MEX3D: variants seen among roughly 807,000 people sequenced by gnomAD.
MEX3D encodes the protein RNA-binding protein MEX3D.
A neutral mutation model predicts 6.3 loss-of-function variants in MEX3D; 4 were observed. The observed-to-expected ratio is 0.64, with a 90% CI of 0.31 to 1.46. The LOEUF (loss-of-function observed/expected upper bound fraction) is 1.46. Among genes scored for constraint, MEX3D ranks in the 40% most tolerant of loss-of-function variants. MEX3D has a pLI of 0.07. For synonymous variants in MEX3D, 626 were observed against 494.1 expected, an observed-to-expected ratio of 1.27 and a Z score of -3.54; for missense variants, 1,038 against 994.4, an observed-to-expected ratio of 1.04 and a Z score of -0.59.
In MEX3D at chr19:1,555,718, C is replaced by CGCACTCTCGCGCCAG; in HGVS notation, c.1786_1800dup (p.Leu596_Cys600dup). 1 of 1,536,440 alleles carries CGCACTCTCGCGCCAG rather than the reference C, an allele frequency of 6.5e-7. No individual in the cohort carries two copies. The highest frequency in any genetic ancestry group is 8.7e-7 in the Non-Finnish European group (1 of 1,147,584). On this transcript the variant is annotated inframe_insertion, in exon 2 of 2. Coordinates refer to ENST00000402693, the MANE Select transcript of MEX3D (RefSeq NM_203304.4). ...ATCACCTCGCCCTCGGCGCACACCA[C>CGCACTCTCGCGCCAG]GCACTCTCGCGCCAGGGCCGGGGCC...
intron 1 of MEX3D, among the ~76,000 whole-genome samples, chr19:1,557,322 T>C (rs1914599681): frequency 6.6e-6 from 1 of 152,034 alleles, no homozygotes; most frequent in Admixed American, 6.6e-5. Context: ...CCCAGCACTT[T>C]GGGAGGCCGA....
At position 1,567,686 on chromosome 19, in the gene MEX3D, G is replaced by T. The variant is rs1310021040; in HGVS notation, c.373C>A (p.Pro125Thr). The T allele has an allele frequency of 8.8e-7, 1 of 1,137,248 alleles. No individual in the cohort carries two copies. The highest frequency in any genetic ancestry group is 1.1e-6 in the Non-Finnish European group (1 of 921,002). The allele number at this position is 1,137,248 out of a possible 1,614,324, so 70.4% of individuals were successfully genotyped here. Residue 125 changes from proline (P) to threonine (T), a missense_variant, in exon 1 of 2, where the codon CCG (proline) becomes ACG (threonine). This residue lies in a region of MEX3D where 265 missense variants were observed against 206.3 expected (regional missense o/e 1.28). Transcript: ENST00000402693. This position sits in a 1 kb window ranked among gnomAD's most constrained non-coding sequence, Gnocchi z 6.5. ...GGACTCGCGTTGGGGTCCAGCAGCG[G>T]CAGCGACCCGGGGGCCACGGCGGGG... ...LAPAVAPGSL[P>T]LLDPNASPPP...
chr19:1,568,182 G>C lies in MEX3D; in HGVS notation c.-124C>G. 4.9e-6 allele frequency: 4 copies of C among 813,558 alleles called. No homozygotes were observed. The highest frequency in any genetic ancestry group is 5.9e-6 in the Non-Finnish European group (4 of 678,238). 50.4% of individuals were successfully genotyped at this position (813,558 alleles called of 1,614,324 possible). On this transcript the variant is annotated 5_prime_UTR_variant, in exon 1 of 2. Coordinates refer to ENST00000402693, the MANE Select transcript of MEX3D (RefSeq NM_203304.4). ...CATCCAGCGGCGGGGGCGGGCACGG[G>C]GGGCCGGGCGGGCGGGGCGGCGGCG...
intron 1 of MEX3D, among the ~76,000 whole-genome samples, chr19:1,557,831 A>T (rs1914613074): frequency 8.0e-6 from 1 of 124,918 alleles, no homozygotes. Flanking sequence ...ATTGCACTCC[A>T]GCCTGGGTGA....
chr19:1,557,094 C>T (rs1436615327), intron 1 of MEX3D, among the ~76,000 whole-genome samples, 171 bp from the exon 2 acceptor site: 1 of 152,210 alleles, frequency 6.6e-6, no homozygotes, highest in East Asian at 1.9e-4. Flanking sequence ...GCCTCAGTTT[C>T]CCCTCTGGGC....
Position 1,555,856 on chromosome 19 carries a change from C to T in MEX3D, c.1663G>A (p.Gly555Ser), listed in dbSNP as rs1174925122. 3.0e-6 allele frequency: 4 copies of T among 1,331,918 alleles called. No homozygotes were observed. The highest frequency in any genetic ancestry group is 1.8e-5 in the South Asian group (1 of 55,618). 82.5% of individuals were successfully genotyped at this position (1,331,918 alleles called of 1,614,324 possible). ...PPQGPVSFPG[G>S]AAFSTATSLP... ...GAGGTGGCCGTGGAGAAGGCGGCGC[C>T]GCCTGGGAAGGATACGGGGCCCTGC... is the stretch of plus-strand genomic sequence containing the variant. Residue 555 changes from glycine to serine, a missense_variant, in exon 2 of 2, where the codon GGC (glycine) becomes AGC (serine). Physicochemically the swap from Gly to Ser is moderately conservative, Grantham distance 56. Around this residue, in one of 5 missense-constraint regions of MEX3D, gnomAD observed 581 missense variants for 516.2 expected, o/e 1.13. Coordinates refer to ENST00000402693, the MANE Select transcript of MEX3D (RefSeq NM_203304.4).
Position 1,559,154 on chromosome 19 carries a change from G to A in MEX3D, c.596-2231C>T, listed in dbSNP as rs189727922. Among the ~76,000 whole-genome samples, 1,317 of 151,644 alleles carry A rather than the reference G, an allele frequency of 8.7e-3. 11 individuals carry two copies. Among genetic ancestry groups the A allele is most frequent in the Non-Finnish European group, 0.015 (1,021 of 67,860 alleles). On this transcript the variant is annotated intron_variant, in intron 1 of 1. Transcript: ENST00000402693. Reference sequence around the variant, plus strand: ...GCCCAGCTTAATTAGTTATTGAGACGGAGTTTTGCTCTTGTTGCCCAGGCT... The same window carrying A: ...GCCCAGCTTAATTAGTTATTGAGACAGAGTTTTGCTCTTGTTGCCCAGGCT...
At position 1,555,327 on chromosome 19, in the gene MEX3D, C is replaced by G. The variant is rs1914487233; in HGVS notation, c.*236G>C. The G allele has an allele frequency of 6.3e-7, 1 of 1,599,002 alleles. No homozygotes were observed. ...TTCTCTCCGGTTTATTGTAACCTGA[C>G]CACTCAATACTGTCGTTGAAGGGCT... On this transcript the variant is annotated 3_prime_UTR_variant, in exon 2 of 2. Transcript: ENST00000402693.
chr19:1,567,445 C>T lies in MEX3D; in HGVS notation c.595+19G>A, dbSNP rs1449476434. The stretch of plus-strand genomic sequence containing the variant: ...TGCGGGGACCCCCAGGACAGCAACC[C>T]CCGACGAGGGCCACTCACCCTGGCG... On this transcript the variant is annotated intron_variant, in intron 1 of 1. Coordinates refer to ENST00000402693, the MANE Select transcript of MEX3D (RefSeq NM_203304.4). The surrounding 1 kb of genome is among the most constrained non-coding windows in gnomAD (Gnocchi z 6.5). 9 of 1,557,160 alleles carry T rather than the reference C, an allele frequency of 5.8e-6. No individual in the cohort carries two copies. The highest frequency in any genetic ancestry group is 6.9e-6 in the Non-Finnish European group (8 of 1,154,570).
Position 1,556,463 on chromosome 19 carries a change from G to C in MEX3D, c.1056C>G (p.Ser352Arg). ...CGTCGGTGCCGTTGGCGTGGAAGTC[G>C]CTGTCGGGGCCCGCGTCGGTGAAGG... is the stretch of plus-strand genomic sequence containing the variant. ...TGAFTDAGPD[S>R]DFHANGTDVC... Residue 352 changes from serine to arginine, a missense_variant, in exon 2 of 2, where the codon AGC becomes AGG. Physicochemically the swap from Ser to Arg is moderately radical, Grantham distance 110. Coordinates refer to ENST00000402693, the MANE Select transcript of MEX3D (RefSeq NM_203304.4). The surrounding 1 kb of genome is among the most constrained non-coding windows in gnomAD (Gnocchi z 7.5). 6.3e-7 allele frequency: 1 copy of C among 1,599,982 alleles called. No individual in the cohort carries two copies. Among genetic ancestry groups the C allele is most frequent in the Non-Finnish European group, 8.5e-7 (1 of 1,177,750 alleles).
chr19:1,567,291 C>A lies in MEX3D; in HGVS notation c.595+173G>T, dbSNP rs1219116930. 1.3e-5 allele frequency among the ~76,000 whole-genome samples: 2 copies of A among 151,916 alleles called. No homozygotes were observed. The highest frequency in any genetic ancestry group is 4.8e-5 in the African/African-American group (2 of 41,404). ...GCGCGGGCTGCGCCCAACTTTCTCC[C>A]GCGGCGGCTGCAGGACAAAGGCGCA... is the stretch of plus-strand genomic sequence containing the variant. On this transcript the variant is annotated intron_variant, in intron 1 of 1. Coordinates refer to ENST00000402693, the MANE Select transcript of MEX3D (RefSeq NM_203304.4). The surrounding 1 kb of genome is among the most constrained non-coding windows in gnomAD (Gnocchi z 6.5).
intron 1 of MEX3D, among the ~76,000 whole-genome samples, chr19:1,559,607 C>G (rs1338049704): frequency 6.6e-6 from 1 of 152,200 alleles, no homozygotes; most frequent in Non-Finnish European, 1.5e-5. Context: ...CCCTCAGGCT[C>G]TGGGGAAGCA....
At position 1,555,450 on chromosome 19, in the gene MEX3D, C is replaced by T. The variant is rs966964289; in HGVS notation, c.*113G>A. 4.3e-6 allele frequency: 6 copies of T among 1,395,210 alleles called. No individual in the cohort carries two copies. In the Admixed American group the frequency reaches 6.7e-5, roughly 15 times the overall value. The allele number at this position is 1,395,210 out of a possible 1,614,324, so 86.4% of individuals were successfully genotyped here. A position where few individuals can be genotyped will look rare whatever the true frequency, so the allele number is the denominator to read the frequency against. On this transcript the variant is annotated 3_prime_UTR_variant, in exon 2 of 2. Coordinates refer to ENST00000402693, the MANE Select transcript of MEX3D (RefSeq NM_203304.4). ...GCCGCCGCCCACCCCCCTGCCCCCT[C>T]GGCCTCCGCCCCTCGCCCCCTCCCC... is the stretch of plus-strand genomic sequence containing the variant.
At chr19:1,566,316 G>A (rs531206699) in intron 1 of MEX3D, among the ~76,000 whole-genome samples, 2 of 152,312 alleles carry the variant, frequency 1.3e-5, no homozygotes, top group African/African-American at 4.8e-5. Flanking sequence ...AAAGACAGGA[G>A]GCTGTGGTGC....
rs199734600 is a variant in MEX3D at position 1,556,790 on chromosome 19, C to T, written c.729G>A (p.Ala243=). The change falls in exon 2 of 2, where the codon GCG becomes GCA. Residue 243 remains alanine, a synonymous_variant. Coordinates refer to ENST00000402693, the MANE Select transcript of MEX3D (RefSeq NM_203304.4). This position sits in a 1 kb window ranked among gnomAD's most constrained non-coding sequence, Gnocchi z 7.5. ...VEMAKREILS[A]AEHFSIIRAT... ...CGCGGATGATGGAGAAGTGTTCGGC[C>T]GCCGACAGGATCTCACGCTTGGCCA... The T allele has an allele frequency of 1.2e-6, 2 of 1,612,586 alleles. No individual in the cohort carries two copies. Among genetic ancestry groups the T allele is most frequent in the East Asian group, 2.2e-5 (1 of 44,866 alleles).
rs1172430713 is a variant in MEX3D, at chr19:1,568,139, T to C, written c.-81A>G. 3.1e-6 allele frequency: 3 copies of C among 966,130 alleles called. No homozygotes were observed. Among genetic ancestry groups the C allele is most frequent in the Non-Finnish European group, 3.6e-6 (3 of 822,860 alleles). 59.8% of individuals were successfully genotyped at this position (966,130 alleles called of 1,614,324 possible). On this transcript the variant is annotated 5_prime_UTR_variant, in exon 1 of 2. Transcript: ENST00000402693. ...CGCGCCGCCCTCCGCCTCTGCGAGC[T>C]GGGCCGCCGGCCGCCTGCATCCAGC...
chr19:1,560,481 C>G (rs960983135), intron 1 of MEX3D, among the ~76,000 whole-genome samples: 1 of 152,230 alleles, frequency 6.6e-6, no homozygotes, highest in African/African-American at 2.4e-5. Context: ...TGGGAGCCGC[C>G]CCGGGTCCCC....
chr19:1,557,018 C>A, intron 1 of MEX3D, 95 bp from the exon 2 acceptor site: 1 of 1,410,938 alleles, frequency 7.1e-7, no homozygotes, highest in Non-Finnish European at 9.5e-7. Context: ...GTGAGGGAGC[C>A]CCTACCTCCC....
chr19:1,566,673 ACCACCCGC>A (rs1914849071), intron 1 of MEX3D, among the ~76,000 whole-genome samples: 1 of 151,778 alleles, frequency 6.6e-6, no homozygotes, highest in African/African-American at 2.4e-5. Flanking sequence ...GGCACTGCCC[ACCACCCGC>A]CCGCCCGCCC....
Sources: gnomAD v4.1 joint callset for allele counts (sites outside exome capture counted in the v4.1 genomes callset) on GRCh38, gnomAD v4.1.1 for gene constraint, gnomAD v4.1.1 regional missense constraint, Gnocchi (gnomAD v3.1) non-coding constraint, MANE v1.5 for transcripts, NCBI Gene and HGNC (gene_info 2026-07-23, HGNC 2026-07-21) for gene names.